TBC1D22A: variants seen among roughly 807,000 people sequenced by gnomAD.
TBC1D22A encodes the protein TBC1 domain family member 22A.
Under a neutral mutation model 60.2 loss-of-function variants are expected in TBC1D22A, and 38 were observed. That is an observed-to-expected ratio of 0.63 (90% CI 0.49 to 0.83). TBC1D22A has a LOEUF of 0.83. TBC1D22A is among the 40% of genes least tolerant of loss of function. TBC1D22A has a pLI of 0.00. For synonymous variants in TBC1D22A, 302 were observed against 281.7 expected (o/e 1.07, Z -0.72); for missense variants, 628 against 701.0 (o/e 0.90, Z 1.18).
chr22:47,035,494 G>A (rs77306058), intron 10 of TBC1D22A, among the ~76,000 whole-genome samples: 4,508 of 152,278 alleles, frequency 0.03, 99 homozygotes, highest in Non-Finnish European at 0.042. Flanking sequence ...ATTCACTGTC[G>A]TGTTGGAATG....
chr22:46,904,910 G>A (rs1054099052), intron 7 of TBC1D22A, among the ~76,000 whole-genome samples: 1 of 151,972 alleles, frequency 6.6e-6, no homozygotes, highest in African/African-American at 2.4e-5. Flanking sequence ...GTGTAGCTGG[G>A]ACTACAGGCG....
At chr22:47,068,863 G>A (rs1489218142) in intron 11 of TBC1D22A, among the ~76,000 whole-genome samples, 1 of 152,156 alleles carries the variant, frequency 6.6e-6, no homozygotes, top group African/African-American at 2.4e-5. Flanking sequence ...CAGTTTCCCT[G>A]GGAATGAACT....
At chr22:46,785,715 G>A (rs2084131711) in intron 1 of TBC1D22A, among the ~76,000 whole-genome samples, 1 of 152,120 alleles carries the variant, frequency 6.6e-6, no homozygotes, top group South Asian at 2.1e-4. Flanking sequence ...CATTTCTTTG[G>A]TAATTATCTT....
At chr22:46,948,047 G>A (rs1385660613) in intron 8 of TBC1D22A, among the ~76,000 whole-genome samples, 2 of 152,216 alleles carry the variant, frequency 1.3e-5, no homozygotes, top group Non-Finnish European at 2.9e-5. Context: ...TCTGAGCTAC[G>A]TTGGGTTGTC....
At chr22:46,859,040 G>C (rs2087734606) in intron 4 of TBC1D22A, among the ~76,000 whole-genome samples, 2 of 144,754 alleles carry the variant, frequency 1.4e-5, no homozygotes, top group Admixed American at 1.4e-4. Flanking sequence ...GCGCAGTGCT[G>C]TGCCCCTTCC....
chr22:47,113,996 G>A (rs1305393718), intron 12 of TBC1D22A, among the ~76,000 whole-genome samples: 3 of 152,178 alleles, frequency 2.0e-5, no homozygotes, highest in African/African-American at 4.8e-5. Context: ...ACCAAGAAAC[G>A]GAATTGATGG....
intron 4 of TBC1D22A, among the ~76,000 whole-genome samples, chr22:46,869,634 G>A (rs116509830): frequency 0.014 from 2,189 of 152,330 alleles, 51 homozygotes; most frequent in African/African-American, 0.05. Context: ...GGACATATGC[G>A]TATTTTTGTA....
chr22:46,810,198 C>T (rs779793471), intron 4 of TBC1D22A, among the ~76,000 whole-genome samples: 2 of 152,184 alleles, frequency 1.3e-5, no homozygotes, highest in East Asian at 3.8e-4. Flanking sequence ...TATTTACCAG[C>T]GTTTCTAATT....
intron 4 of TBC1D22A, among the ~76,000 whole-genome samples, chr22:46,862,779 G>A (rs2087973152): frequency 6.6e-6 from 1 of 152,204 alleles, no homozygotes; most frequent in African/African-American, 2.4e-5. Context: ...ACCCTGGGAG[G>A]TGCAGCTGAG....
chr22:46,957,745 G>A (rs925205297), intron 8 of TBC1D22A, among the ~76,000 whole-genome samples: 2 of 152,256 alleles, frequency 1.3e-5, no homozygotes, highest in Non-Finnish European at 2.9e-5. Context: ...TGCTGGGCAG[G>A]CGAGAGGTGA....
intron 11 of TBC1D22A, among the ~76,000 whole-genome samples, chr22:47,094,607 G>A (rs713637): frequency 0.052 from 7,970 of 152,150 alleles, 286 homozygotes; most frequent in Admixed American, 0.12. Flanking sequence ...ATGTACATAC[G>A]TCCTGTCGGT....
intron 12 of TBC1D22A, among the ~76,000 whole-genome samples, chr22:47,121,648 G>A (rs151120677): frequency 4.6e-5 from 7 of 151,986 alleles, no homozygotes; most frequent in African/African-American, 1.7e-4. Context: ...AACAAACCAC[G>A]GTGCTAGCCT....
At chr22:46,767,937 C>G (rs1011233017) in intron 1 of TBC1D22A, 1 of 152,794 alleles carries the variant, frequency 6.5e-6, no homozygotes, top group Non-Finnish European at 1.5e-5. Context: ...AAGACATGGA[C>G]TGTTCTTTGA....
At position 47,111,509 on chromosome 22, in the gene TBC1D22A, C is replaced by G; in HGVS notation, c.1331C>G (p.Ser444Cys). 6.2e-7 allele frequency: 1 copy of G among 1,613,252 alleles called. No homozygotes were observed. Among genetic ancestry groups the G allele is most frequent in the African/African-American group, 1.3e-5 (1 of 74,992 alleles). Reference sequence around the variant, plus strand: ...TCTTGGTTATTTTTTCTCTTTTAGTCTGAACCGGACGGCTTTTCTCATTTC... The same window carrying G: ...TCTTGGTTATTTTTTCTCTTTTAGTGTGAACCGGACGGCTTTTCTCATTTC... The part of the protein sequence containing the change: ...CTIRLWDTYQ[S>C]EPDGFSHFHL... Residue 444 changes from serine (S) to cysteine (C), a missense_variant and splice_region_variant, in exon 12 of 13, where the codon TCT becomes TGT. Coordinates refer to ENST00000337137, the MANE Select transcript of TBC1D22A (RefSeq NM_014346.5).
At chr22:47,006,338 G>T (rs2061591284) in intron 10 of TBC1D22A, among the ~76,000 whole-genome samples, 7 of 152,184 alleles carry the variant, frequency 4.6e-5, no homozygotes, top group Admixed American at 3.9e-4. Flanking sequence ...AAGTGAAGCT[G>T]CCCTTCATTA....
chr22:47,037,384 C>G (rs1212466270), intron 11 of TBC1D22A, among the ~76,000 whole-genome samples, 186 bp downstream of exon 11: 1 of 152,168 alleles, frequency 6.6e-6, no homozygotes, highest in Non-Finnish European at 1.5e-5. Flanking sequence ...AATCCTAGCA[C>G]TTTGGGAGGC....
intron 4 of TBC1D22A, among the ~76,000 whole-genome samples, chr22:46,864,151 C>G (rs765757030): frequency 1.3e-5 from 2 of 152,188 alleles, no homozygotes; most frequent in African/African-American, 2.4e-5. Flanking sequence ...TACACACACC[C>G]CAACTTTCAA....
intron 4 of TBC1D22A, among the ~76,000 whole-genome samples, chr22:46,829,062 A>G (rs1005903236): frequency 6.6e-6 from 1 of 151,918 alleles, no homozygotes; most frequent in Non-Finnish European, 1.5e-5. Flanking sequence ...CCCCCTCCAC[A>G]TTTCTGCTGG....
chr22:47,125,314 C>G (rs1283637071), intron 12 of TBC1D22A, among the ~76,000 whole-genome samples: 1 of 152,200 alleles, frequency 6.6e-6, no homozygotes, highest in Admixed American at 6.5e-5. Context: ...CGGGGCGGGG[C>G]TTTCTCAGAA....
Sources: gnomAD v4.1 joint callset for allele counts (sites outside exome capture counted in the v4.1 genomes callset) on GRCh38, gnomAD v4.1.1 for gene constraint, MANE v1.5 for transcripts, NCBI Gene and HGNC (gene_info 2026-07-23, HGNC 2026-07-21) for gene names.